Variants in ABR observed in about 807,000 individuals in gnomAD.
The protein encoded by ABR is ABR activator of RhoGEF and GTPase.
Under a neutral mutation model 107.2 loss-of-function variants are expected in ABR, and 35 were observed. The ratio of observed to expected loss-of-function variants is 0.33; its 90% CI spans 0.25 to 0.43. The LOEUF (loss-of-function observed/expected upper bound fraction) is 0.43. Among genes scored for constraint, ABR ranks in the 20% least tolerant of loss-of-function variants. ABR has a pLI of 1.00. For synonymous variants in ABR, 498 were observed against 462.0 expected, an observed-to-expected ratio of 1.08 and a Z score of -1.00; for missense variants, 815 against 1,115.2, an observed-to-expected ratio of 0.73 and a Z score of 3.83.
chr17:1,036,496 G>T (rs887208713), intron 16 of ABR, among the ~76,000 whole-genome samples: 2 of 151,090 alleles, frequency 1.3e-5, no homozygotes, highest in Non-Finnish European at 2.9e-5. Context: ...AGGCTGGGGG[G>T]CAAGAAGGTG....
chr17:1,029,678 GA>G (rs1889785255), intron 16 of ABR, among the ~76,000 whole-genome samples: 1 of 152,140 alleles, frequency 6.6e-6, no homozygotes, highest in Non-Finnish European at 1.5e-5. Flanking sequence ...GCTCCTGCAG[GA>G]AAATGCCAGG....
At chr17:1,066,593 T>G (rs866184931) in intron 10 of ABR, among the ~76,000 whole-genome samples, 1 of 152,020 alleles carries the variant, frequency 6.6e-6, no homozygotes, top group Non-Finnish European at 1.5e-5. Flanking sequence ...CATTGGCATG[T>G]TCTTGGCTCA....
chr17:1,192,832 T>C (rs931084910), intron 1 of ABR, among the ~76,000 whole-genome samples: 2 of 152,114 alleles, frequency 1.3e-5, no homozygotes, highest in African/African-American at 4.8e-5. Flanking sequence ...GTGGATCACC[T>C]GAGGTTGGGA....
At chr17:1,033,410 C>T (rs553498815) in intron 16 of ABR, among the ~76,000 whole-genome samples, 8 of 152,290 alleles carry the variant, frequency 5.3e-5, no homozygotes, top group East Asian at 1.9e-4. Flanking sequence ...TCTGAGGAAA[C>T]GAAGGGCTCT....
At chr17:1,145,213 G>A (rs1040567232) in intron 1 of ABR, among the ~76,000 whole-genome samples, 1 of 152,114 alleles carries the variant, frequency 6.6e-6, no homozygotes, top group Non-Finnish European at 1.5e-5. Context: ...AGTAACTGCT[G>A]GCTGAGTGAT....
At chr17:1,185,505 C>T (rs900300311) in intron 1 of ABR, among the ~76,000 whole-genome samples, 4 of 151,668 alleles carry the variant, frequency 2.6e-5, no homozygotes, top group Non-Finnish European at 5.9e-5. Context: ...ATTAGCTGGG[C>T]GTGGTGGCGG....
intron 14 of ABR, among the ~76,000 whole-genome samples, chr17:1,054,544 TGAGGGGACGGGGGCA>T (rs2033006290): frequency 1.4e-4 from 1 of 7,090 alleles, no homozygotes; most frequent in African/African-American, 4.8e-4. Context: ...ACAAAGAACC[TGAGGGGACGGGGGCA>T]CAAAGAACCT....
intron 4 of ABR, 24 bp from the exon 5 acceptor site, chr17:1,083,651 G>C: frequency 6.5e-7 from 1 of 1,535,884 alleles, no homozygotes; most frequent in Non-Finnish European, 9.0e-7. Flanking sequence ...TCAGGGAACA[G>C]AGGGAGAGGA....
chr17:1,064,364 A>G (rs1452952638), intron 10 of ABR, among the ~76,000 whole-genome samples: 46 of 15,940 alleles, frequency 2.9e-3, no homozygotes, highest in African/African-American at 5.7e-3. Context: ...TCCTCTAGAC[A>G]CTGCTGTTAT....
intron 21 of ABR, 116 bp downstream of exon 21, chr17:1,009,563 C>A (rs958802149): frequency 2.9e-5 from 24 of 825,538 alleles, no homozygotes; most frequent in Admixed American, 2.0e-4. Flanking sequence ...GGGGTTGGGG[C>A]CACTCCCCGT....
chr17:1,162,382 C>T (rs12450382), intron 1 of ABR, among the ~76,000 whole-genome samples: 3,060 of 152,324 alleles, frequency 0.02, 85 homozygotes, highest in Admixed American at 0.076. Flanking sequence ...TGGGCCCCTC[C>T]GGATCCCCTC....
chr17:1,071,469 C>T lies in ABR; in HGVS notation c.894+1145G>A, dbSNP rs757806491. Among the ~76,000 whole-genome samples, 2 of 152,226 alleles carry T rather than the reference C, an allele frequency of 1.3e-5. No homozygotes were observed. Among genetic ancestry groups the T allele is most frequent in the Non-Finnish European group, 1.5e-5 (1 of 68,038 alleles). On this transcript the variant is annotated intron_variant, in intron 8 of 22. Coordinates refer to ENST00000302538, the MANE Select transcript of ABR (RefSeq NM_021962.5). The surrounding 1 kb of genome is among the most constrained non-coding windows in gnomAD (Gnocchi z 5.1). ...TCACCCGGGCCCGGCTGCCAATCCACGAAGGCAACTGTCCCTCTCATGCTT... is the reference window on the plus strand; with the variant it reads ...TCACCCGGGCCCGGCTGCCAATCCATGAAGGCAACTGTCCCTCTCATGCTT...
rs1460537146 is a variant in ABR at position 1,051,582 on chromosome 17, C to T, written c.1562-948G>A. ...CCACACCCGCCCTGGGCTCGGACCC[C>T]AGCAGTCCTCCCACCTCCAGGGAGA... On this transcript the variant is annotated intron_variant, in intron 14 of 22. Coordinates refer to ENST00000302538, the MANE Select transcript of ABR (RefSeq NM_021962.5). This position sits in a 1 kb window ranked among gnomAD's most constrained non-coding sequence, Gnocchi z 4.3. Among the ~76,000 whole-genome samples the T allele has an allele frequency of 6.6e-5, 10 of 152,234 alleles. No individual in the cohort carries two copies. Among genetic ancestry groups the T allele is most frequent in the Admixed American group, 3.3e-4 (5 of 15,288 alleles).
At chr17:1,058,593 G>C in intron 11 of ABR, 152 bp downstream of exon 11, 2 of 1,048,604 alleles carry the variant, frequency 1.9e-6, no homozygotes, top group Non-Finnish European at 1.3e-6. Flanking sequence ...ACACGAGAGG[G>C]GAGAGCGAGT....
intron 16 of ABR, among the ~76,000 whole-genome samples, chr17:1,030,621 G>C (rs1378276691): frequency 2.0e-5 from 3 of 152,244 alleles, no homozygotes; most frequent in Non-Finnish European, 4.4e-5. Context: ...CATGGCAGGA[G>C]CTGAAACAAA....
intron 1 of ABR, among the ~76,000 whole-genome samples, chr17:1,167,890 C>T (rs986617065): frequency 1.3e-5 from 2 of 152,220 alleles, no homozygotes; most frequent in African/African-American, 2.4e-5. Context: ...GGGTCGCTCA[C>T]GCCTGTAATC....
At chr17:1,107,352 C>T (rs2038323737) in intron 2 of ABR, among the ~76,000 whole-genome samples, 1 of 152,254 alleles carries the variant, frequency 6.6e-6, no homozygotes, top group African/African-American at 2.4e-5. Flanking sequence ...TGCAGACTCT[C>T]ACAGGCACCA....
chr17:1,039,733 G>A (rs560243137), intron 16 of ABR: 1 of 152,470 alleles, frequency 6.6e-6, no homozygotes, highest in South Asian at 2.1e-4. Context: ...CTGGCACAGG[G>A]GTGGGGGTGG....
intron 1 of ABR, among the ~76,000 whole-genome samples, chr17:1,153,205 C>T (rs1202959990): frequency 1.3e-5 from 2 of 152,232 alleles, no homozygotes; most frequent in Non-Finnish European, 2.9e-5. Flanking sequence ...CAAATCCCCA[C>T]CATACCCCTT....
Sources: gnomAD v4.1 joint callset for allele counts (sites outside exome capture counted in the v4.1 genomes callset) on GRCh38, gnomAD v4.1.1 for gene constraint, Gnocchi (gnomAD v3.1) non-coding constraint, MANE v1.5 for transcripts, NCBI Gene and HGNC (gene_info 2026-07-23, HGNC 2026-07-21) for gene names.